Variants in APCDD1 observed in about 807,000 individuals in gnomAD.
APCDD1 encodes APC down-regulated 1.
A neutral mutation model predicts 38.1 loss-of-function variants in APCDD1; 15 were observed. That is an observed-to-expected ratio of 0.39 (90% CI 0.26 to 0.61). APCDD1 has a LOEUF of 0.61. Among genes scored for constraint, APCDD1 ranks in the 20% least tolerant of loss-of-function variants. The pLI, the probability that APCDD1 is intolerant of heterozygous loss-of-function variation, is 0.49. For missense variants in APCDD1, 647 were observed against 696.2 expected (o/e 0.93, Z 0.79); for synonymous variants, 261 against 279.7 (o/e 0.93, Z 0.67).
At chr18:10,482,493 C>T (rs1226029496) in intron 3 of APCDD1, among the ~76,000 whole-genome samples, 1 of 152,220 alleles carries the variant, frequency 6.6e-6, no homozygotes, top group Non-Finnish European at 1.5e-5. Flanking sequence ...TTCTTGTTAC[C>T]CTGATGGTAC....
rs2030957663 is a variant in APCDD1 at position 10,475,030 on chromosome 18, T to G, written c.774+2969T>G. 6.6e-6 allele frequency among the ~76,000 whole-genome samples: 1 copy of G among 152,230 alleles called. No individual in the cohort carries two copies. The highest frequency in any genetic ancestry group is 6.5e-5 in the Admixed American group (1 of 15,286). ...ATCTGACCTACTGGAGACTTCATTT[T>G]CCTTTTCTGTAAAATGGCAAAAATA... On this transcript the variant is annotated intron_variant, in intron 3 of 4. Transcript: ENST00000355285. This position sits in a 1 kb window ranked among gnomAD's most constrained non-coding sequence, Gnocchi z 4.0.
At position 10,485,399 on chromosome 18, in the gene APCDD1, CAT is replaced by C. The variant is rs2031226759; in HGVS notation, c.775-62_775-61del. 1 of 1,582,454 alleles carries C rather than the reference CAT, an allele frequency of 6.3e-7. No individual in the cohort carries two copies. Among genetic ancestry groups the C allele is most frequent in the Non-Finnish European group, 8.6e-7 (1 of 1,157,938 alleles). On this transcript the variant is annotated intron_variant, in intron 3 of 4. Coordinates refer to ENST00000355285, the MANE Select transcript of APCDD1 (RefSeq NM_153000.5). This position sits in a 1 kb window ranked among gnomAD's most constrained non-coding sequence, Gnocchi z 5.8. ...CTGGTGAGACCCCATTTGCCGGAAGCATGTGTGCACTGCTCCCTTGGGAAGAT... is the reference window on the plus strand; with the variant it reads ...CTGGTGAGACCCCATTTGCCGGAAGCGTGTGCACTGCTCCCTTGGGAAGAT...
intron 3 of APCDD1, chr18:10,477,059 C>A (rs1304257794): frequency 6.6e-6 from 1 of 152,250 alleles, no homozygotes; most frequent in Admixed American, 6.5e-5. Flanking sequence ...TGAGCATGTG[C>A]TTGGTGTGGC....
At chr18:10,473,099 T>A (rs1434536692) in intron 3 of APCDD1, among the ~76,000 whole-genome samples, 1 of 152,192 alleles carries the variant, frequency 6.6e-6, no homozygotes, top group East Asian at 1.9e-4. Context: ...TGTTTGGTGG[T>A]TTCTTCATTT....
Position 10,464,545 on chromosome 18 carries a change from C to G in APCDD1, c.59-3924C>G, listed in dbSNP as rs2030660221. ...TCATGTGATCCTCCCGCCTCAGCCT[C>G]CTGAGTAGCTGGGACTACAGGCATG... is the stretch of plus-strand genomic sequence containing the variant. On this transcript the variant is annotated intron_variant, in intron 1 of 4. Transcript: ENST00000355285. Among the ~76,000 whole-genome samples, 3 of 152,346 alleles carry G rather than the reference C, an allele frequency of 2.0e-5. No individual in the cohort carries two copies. In the South Asian group the frequency reaches 6.2e-4, roughly 32 times the overall value.
chr18:10,461,156 C>T (rs1288018068), intron 1 of APCDD1, among the ~76,000 whole-genome samples: 2 of 152,138 alleles, frequency 1.3e-5, no homozygotes, highest in Non-Finnish European at 2.9e-5. Flanking sequence ...GGGAGTAAAT[C>T]ACTAGTGCAC....
intron 1 of APCDD1, among the ~76,000 whole-genome samples, chr18:10,456,557 C>A (rs1348350823): frequency 6.6e-6 from 1 of 152,180 alleles, no homozygotes; most frequent in Non-Finnish European, 1.5e-5. Context: ...TTGGCATGAA[C>A]AGCATTTTTT....
In APCDD1 at chr18:10,467,339, C is replaced by T. The variant is rs2030739901; in HGVS notation, c.59-1130C>T. On this transcript the variant is annotated intron_variant, in intron 1 of 4. Coordinates refer to ENST00000355285, the MANE Select transcript of APCDD1 (RefSeq NM_153000.5). The surrounding 1 kb of genome is among the most constrained non-coding windows in gnomAD (Gnocchi z 4.8). ...CTCACCAGTAGCATTCAAACAGGTA[C>T]ATTTTATTTATTTTGTATATTTAAA... 6.6e-6 allele frequency among the ~76,000 whole-genome samples: 1 copy of T among 152,130 alleles called. No homozygotes were observed. Among genetic ancestry groups the T allele is most frequent in the African/African-American group, 2.4e-5 (1 of 41,414 alleles).
intron 1 of APCDD1, among the ~76,000 whole-genome samples, chr18:10,460,828 A>G (rs2030522214): frequency 6.6e-6 from 1 of 152,188 alleles, no homozygotes; most frequent in Non-Finnish European, 1.5e-5. Flanking sequence ...TTTAGGAATG[A>G]GATCTGCTGT....
chr18:10,461,105 G>A (rs1354137904), intron 1 of APCDD1, among the ~76,000 whole-genome samples: 4 of 151,958 alleles, frequency 2.6e-5, no homozygotes, highest in African/African-American at 9.7e-5. Flanking sequence ...CAATCATTGT[G>A]CAGTCATTTA....
chr18:10,472,104 G>A lies in APCDD1; in HGVS notation c.774+43G>A. On this transcript the variant is annotated intron_variant, in intron 3 of 4. Coordinates refer to ENST00000355285, the MANE Select transcript of APCDD1 (RefSeq NM_153000.5). This position sits in a 1 kb window ranked among gnomAD's most constrained non-coding sequence, Gnocchi z 6.6. ...GTTCTCCTCTTTATTGAGTAAAGTG[G>A]GTGATCCTTCTTAAAGGCTTGCCAT... The A allele has an allele frequency of 6.2e-7, 1 of 1,611,350 alleles. No homozygotes were observed. The highest frequency in any genetic ancestry group is 8.5e-7 in the Non-Finnish European group (1 of 1,179,656).
chr18:10,464,847 T>A (rs1382882417), intron 1 of APCDD1, among the ~76,000 whole-genome samples: 1 of 152,240 alleles, frequency 6.6e-6, no homozygotes, highest in Non-Finnish European at 1.5e-5. Flanking sequence ...TATGTCCTTA[T>A]ACTTTGTCCT....
chr18:10,456,110 C>T (rs1038681525), intron 1 of APCDD1, among the ~76,000 whole-genome samples: 1 of 152,212 alleles, frequency 6.6e-6, no homozygotes, highest in Non-Finnish European at 1.5e-5. Flanking sequence ...TGTTAACCCA[C>T]AAGCCACCGG....
In APCDD1 at chr18:10,469,830, A is replaced by G. The variant is rs571580097; in HGVS notation, c.242+1178A>G. On this transcript the variant is annotated intron_variant, in intron 2 of 4. Coordinates refer to ENST00000355285, the MANE Select transcript of APCDD1 (RefSeq NM_153000.5). This position sits in a 1 kb window ranked among gnomAD's most constrained non-coding sequence, Gnocchi z 5.5. ...ATGCAGAGTGAGCAAGAGGCTGGCT[A>G]GATTGGAGGACCTGCTGGCTGAGAA... Among the ~76,000 whole-genome samples the G allele has an allele frequency of 6.6e-6, 1 of 152,288 alleles. No individual in the cohort carries two copies. The highest frequency in any genetic ancestry group is 2.1e-4 in the South Asian group (1 of 4,828).
At chr18:10,480,081 A>G (rs75722788) in intron 3 of APCDD1, among the ~76,000 whole-genome samples, 2,390 of 152,258 alleles carry the variant, frequency 0.016, 75 homozygotes, top group African/African-American at 0.055. Flanking sequence ...TCTTCTGGGT[A>G]CAGAAGCTCT....
rs2031323845 is a variant in APCDD1, at chr18:10,489,485, G to A, written c.*1447G>A. The A allele has an allele frequency of 6.6e-6, 1 of 152,232 alleles. No individual in the cohort carries two copies. Among genetic ancestry groups the A allele is most frequent in the African/African-American group, 2.4e-5 (1 of 41,424 alleles). 9.4% of individuals were successfully genotyped at this position (152,232 alleles called of 1,614,324 possible). ...GAGACCAAGGAGGGTGGATCACGAG[G>A]TCAGGAGATCAAGACCATCCTGGCT... On this transcript the variant is annotated 3_prime_UTR_variant, in exon 5 of 5. Transcript: ENST00000355285.
intron 3 of APCDD1, among the ~76,000 whole-genome samples, chr18:10,473,903 A>G (rs1423509465): frequency 1.3e-5 from 2 of 148,290 alleles, no homozygotes; most frequent in Admixed American, 6.7e-5. Context: ...CGCTCTGAGT[A>G]TAGTCTAGCC....
At chr18:10,484,245 C>T (rs960322107) in intron 3 of APCDD1, among the ~76,000 whole-genome samples, 4 of 152,334 alleles carry the variant, frequency 2.6e-5, no homozygotes, top group South Asian at 2.1e-4. Context: ...GCAGTGTGCG[C>T]GTGTGCTTGC....
chr18:10,474,457 C>A (rs540222091), intron 3 of APCDD1, among the ~76,000 whole-genome samples: 1 of 152,216 alleles, frequency 6.6e-6, no homozygotes, highest in Non-Finnish European at 1.5e-5. Context: ...AGTGCGAGGT[C>A]TGAGTGAGGA....
Sources: gnomAD v4.1 joint callset for allele counts (sites outside exome capture counted in the v4.1 genomes callset) on GRCh38, gnomAD v4.1.1 for gene constraint, Gnocchi (gnomAD v3.1) non-coding constraint, MANE v1.5 for transcripts, NCBI Gene and HGNC (gene_info 2026-07-23, HGNC 2026-07-21) for gene names.